The following TXK variants were observed in gnomAD, a reference collection of about 807,000 sequenced individuals.
TXK encodes the protein tyrosine-protein kinase TXK.
Under a neutral mutation model 81.0 loss-of-function variants are expected in TXK, and 60 were observed. The observed-to-expected ratio is 0.74, with a 90% CI of 0.60 to 0.92. TXK has a LOEUF of 0.92. Among genes scored for constraint, TXK ranks in the 40% least tolerant of loss-of-function variants. TXK has a pLI of 0.00. For missense variants in TXK, 581 were observed against 638.3 expected (o/e 0.91, Z 0.97); for synonymous variants, 203 against 210.7 (o/e 0.96, Z 0.32).
intron 1 of TXK, among the ~76,000 whole-genome samples, chr4:48,128,102 A>G (rs893477819): frequency 1.3e-5 from 2 of 152,192 alleles, no homozygotes; most frequent in Non-Finnish European, 2.9e-5. Context: ...CTCATGTCTA[A>G]TGTTTTGAAG....
intron 1 of TXK, among the ~76,000 whole-genome samples, chr4:48,119,125 G>T (rs1457950443): frequency 6.6e-6 from 1 of 152,130 alleles, no homozygotes; most frequent in Non-Finnish European, 1.5e-5. Context: ...TTCCCAACAG[G>T]TATAATCCAA....
At chr4:48,128,797 G>C (rs918430336) in intron 1 of TXK, among the ~76,000 whole-genome samples, 1 of 151,834 alleles carries the variant, frequency 6.6e-6, no homozygotes, top group Non-Finnish European at 1.5e-5. Context: ...TCGATCTCCT[G>C]ACCTCGTGAT....
rs1376282182 is a variant in TXK at position 48,079,945 on chromosome 4, A to G, written c.1140T>C (p.Tyr380=). ...TATGAATATAGCCATTCCTCTCCAG[A>G]TATTCCATTCCTTCACATATATCCT... The part of the protein sequence containing the change: ...VCQDICEGME[Y]LERNGYIHRD... Residue 380 remains tyrosine, a synonymous_variant, in exon 11 of 15, where the codon TAT becomes TAC. Transcript: ENST00000264316. 3 of 1,613,876 alleles carry G rather than the reference A, an allele frequency of 1.9e-6. No individual in the cohort carries two copies. The highest frequency in any genetic ancestry group is 2.5e-6 in the Non-Finnish European group (3 of 1,179,898).
intron 4 of TXK, 48 bp downstream of exon 4, chr4:48,112,259 T>G (rs1718655146): frequency 1.9e-6 from 3 of 1,566,896 alleles, no homozygotes; most frequent in Non-Finnish European, 2.6e-6. Flanking sequence ...AGTAGTCTTC[T>G]TTGTGTTGGA....
rs1560337718 is a variant in TXK, at chr4:48,071,645, C to A, written c.1387G>T (p.Gly463Ter). 1.9e-6 allele frequency: 3 copies of A among 1,614,038 alleles called. No homozygotes were observed. The highest frequency in any genetic ancestry group is 1.7e-6 in the Non-Finnish European group (2 of 1,179,990). Residue 463 changes from glycine to a stop codon, truncating the protein, a stop_gained, in exon 14 of 15, where the codon GGA (glycine) becomes TGA (stop). Coordinates refer to ENST00000264316, the MANE Select transcript of TXK (RefSeq NM_003328.3). LOFTEE classifies it high-confidence loss of function. ...GACTTATTTTCAAAAGGCATTTTTC[C>A]TTCTGTAAAAACTTCCCACATTAAA... is the stretch of plus-strand genomic sequence containing the variant. ...GVLMWEVFTE[G>*]KMPFENKSNL...
At chr4:48,087,988 CT>C (rs1407135488) in intron 9 of TXK, among the ~76,000 whole-genome samples, 1 of 152,054 alleles carries the variant, frequency 6.6e-6, no homozygotes, top group Admixed American at 6.6e-5. Context: ...TATACCCTAA[CT>C]TTTTTAAGGG....
At chr4:48,102,885 A>G (rs1445841932) in intron 6 of TXK, among the ~76,000 whole-genome samples, 1 of 152,216 alleles carries the variant, frequency 6.6e-6, no homozygotes, top group African/African-American at 2.4e-5. Context: ...TGGTAAAATA[A>G]ATAAAATAAT....
At chr4:48,103,405 C>T (rs1718279159) in intron 6 of TXK, among the ~76,000 whole-genome samples, 1 of 152,226 alleles carries the variant, frequency 6.6e-6, no homozygotes, top group East Asian at 1.9e-4. Flanking sequence ...CAGTTTCCTC[C>T]AAGCAAGTGA....
At chr4:48,072,635 C>T (rs189803056) in intron 13 of TXK, among the ~76,000 whole-genome samples, 5 of 152,308 alleles carry the variant, frequency 3.3e-5, no homozygotes, top group Admixed American at 2.6e-4. Flanking sequence ...TGATGAGAGG[C>T]GAGGCCTCTG....
intron 10 of TXK, among the ~76,000 whole-genome samples, chr4:48,081,437 AT>A (rs1302087138): frequency 6.6e-6 from 1 of 152,196 alleles, no homozygotes; most frequent in Non-Finnish European, 1.5e-5. Context: ...AAAGATGCAA[AT>A]GGAAAATCTA....
At chr4:48,115,283 G>T (rs767851902) in intron 1 of TXK, among the ~76,000 whole-genome samples, 9 of 152,120 alleles carry the variant, frequency 5.9e-5, no homozygotes, top group Middle Eastern at 3.4e-3. Flanking sequence ...TCCCACTTAT[G>T]AGTGAGAATA....
At chr4:48,093,968 A>AT in intron 8 of TXK, 109 bp downstream of exon 8, 1 of 1,403,012 alleles carries the variant, frequency 7.1e-7, no homozygotes, top group Non-Finnish European at 9.9e-7. Context: ...CAAGCTTTTA[A>AT]ACTATTTCTA....
At chr4:48,098,890 G>A (rs188799366) in intron 6 of TXK, among the ~76,000 whole-genome samples, 15 of 152,052 alleles carry the variant, frequency 9.9e-5, no homozygotes, top group Middle Eastern at 6.8e-3. Context: ...CTGAGATTGC[G>A]CCACTGCCCT....
intron 1 of TXK, among the ~76,000 whole-genome samples, chr4:48,127,354 T>C (rs948441889): frequency 6.6e-6 from 1 of 152,234 alleles, no homozygotes; most frequent in Non-Finnish European, 1.5e-5. Flanking sequence ...CATTTTCAAT[T>C]TACAGCAGCA....
intron 1 of TXK, among the ~76,000 whole-genome samples, chr4:48,120,072 T>C (rs200999867): frequency 2.1e-4 from 2 of 9,466 alleles, no homozygotes; most frequent in Non-Finnish European, 3.9e-4. Flanking sequence ...ATCATCAGCA[T>C]ATATATACAC....
intron 2 of TXK, among the ~76,000 whole-genome samples, chr4:48,114,035 A>C: frequency 6.6e-6 from 1 of 152,214 alleles, no homozygotes; most frequent in East Asian, 1.9e-4. Context: ...TCTTGCCCTT[A>C]AAGGGAAAAA....
At position 48,086,142 on chromosome 4, in the gene TXK, G is replaced by C. The variant is rs1717519413; in HGVS notation, c.956+324C>G. Among the ~76,000 whole-genome samples the C allele has an allele frequency of 2.0e-5, 3 of 152,214 alleles. No homozygotes were observed. The South Asian group carries it at 6.2e-4, about 32-fold the overall frequency. ...TTGAGCACACAGCGGCTGAGTAAAT[G>C]AGCCACCCTCTTCACAAGGCATTCT... On this transcript the variant is annotated intron_variant, in intron 10 of 14. Coordinates refer to ENST00000264316, the MANE Select transcript of TXK (RefSeq NM_003328.3).
rs530074164 is a variant in TXK, at chr4:48,073,368, T to C, written c.1357+567A>G. Among the ~76,000 whole-genome samples the C allele has an allele frequency of 1.4e-4, 21 of 152,318 alleles. No homozygotes were observed. The South Asian group carries it at 3.9e-3, about 29-fold the overall frequency. On this transcript the variant is annotated intron_variant, in intron 13 of 14. Coordinates refer to ENST00000264316, the MANE Select transcript of TXK (RefSeq NM_003328.3). ...TTTGAAAATCAACCCCGAAACTTCATTGGACGTGGGTCTATGGTGTCTCTT... is the reference window on the plus strand; with the variant it reads ...TTTGAAAATCAACCCCGAAACTTCACTGGACGTGGGTCTATGGTGTCTCTT...
At chr4:48,117,008 C>T (rs1718831116) in intron 1 of TXK, among the ~76,000 whole-genome samples, 7 of 152,162 alleles carry the variant, frequency 4.6e-5, no homozygotes, top group Admixed American at 4.6e-4. Context: ...GCCTCAGCCT[C>T]CTGAGTAGCT....
Sources: gnomAD v4.1 joint callset for allele counts (sites outside exome capture counted in the v4.1 genomes callset) on GRCh38, gnomAD v4.1.1 for gene constraint, MANE v1.5 for transcripts, NCBI Gene and HGNC (gene_info 2026-07-23, HGNC 2026-07-21) for gene names.